The following ZKSCAN4 variants were observed in gnomAD, a reference collection of about 807,000 sequenced individuals.
ZKSCAN4 encodes zinc finger with KRAB and SCAN domains 4, also known as zinc finger protein with KRAB and SCAN domains 4.
Under a neutral mutation model 30.8 loss-of-function variants are expected in ZKSCAN4, and 23 were observed. The ratio of observed to expected loss-of-function variants is 0.75; its 90% CI spans 0.54 to 1.06. ZKSCAN4 has a LOEUF of 1.06. Ranked by LOEUF, ZKSCAN4 falls within the 50% of genes least tolerant of loss-of-function variation. ZKSCAN4 has a pLI of 0.00. For missense variants in ZKSCAN4, 556 were observed against 665.4 expected, an observed-to-expected ratio of 0.84 and a Z score of 1.81; for synonymous variants, 208 against 252.5, an observed-to-expected ratio of 0.82 and a Z score of 1.67.
At chr6:28,259,140 G>A in the ZKSCAN4 span, among the ~76,000 whole-genome samples, 1 of 152,170 alleles carries the variant, frequency 6.6e-6, no homozygotes, top group African/African-American at 2.4e-5. Flanking sequence ...CTCAAGTTGG[G>A]GAATATAAGT....
In ZKSCAN4 at chr6:28,252,100, AG is replaced by A; in HGVS notation, c.-121del. ...AAGTGGTCCCCCTCCTGTCATGCCC[AG>A]GGGCCCAGGACACCCCCTGAGGCGC... On this transcript the variant is annotated 5_prime_UTR_variant, in exon 1 of 5. Coordinates refer to ENST00000377294, the MANE Select transcript of ZKSCAN4 (RefSeq NM_019110.5). 1 of 1,134,334 alleles carries A rather than the reference AG, an allele frequency of 8.8e-7. No individual in the cohort carries two copies. The highest frequency in any genetic ancestry group is 2.4e-5 in the East Asian group (1 of 41,212). 70.3% of individuals were successfully genotyped at this position (1,134,334 alleles called of 1,614,324 possible).
chr6:28,251,441 C>G lies in ZKSCAN4; in HGVS notation c.423+117G>C. 6.4e-7 allele frequency: 1 copy of G among 1,552,524 alleles called. No individual in the cohort carries two copies. The highest frequency in any genetic ancestry group is 2.4e-5 in the East Asian group (1 of 42,376). On this transcript the variant is annotated intron_variant, in intron 1 of 4. Coordinates refer to ENST00000377294, the MANE Select transcript of ZKSCAN4 (RefSeq NM_019110.5). This position sits in a 1 kb window ranked among gnomAD's most constrained non-coding sequence, Gnocchi z 4.5. ...ACTTCACCTTACTGCCAAGGAGGTT[C>G]ACAGTACAAAAAGAGATGAAGAACT...
chr6:28,259,205 A>C, the ZKSCAN4 span: 4 of 582,712 alleles, frequency 6.9e-6, no homozygotes, highest in African/African-American at 7.5e-5. Flanking sequence ...GCCTTCACGC[A>C]GCCAAGGCCC....
In ZKSCAN4 at chr6:28,252,119, T is replaced by A; in HGVS notation, c.-139A>T. ...ATGCCCAGGGGCCCAGGACACCCCCTGAGGCGCAGCTGCACAGATCTCTCT... is the reference window on the plus strand; with the variant it reads ...ATGCCCAGGGGCCCAGGACACCCCCAGAGGCGCAGCTGCACAGATCTCTCT... On this transcript the variant is annotated 5_prime_UTR_variant, in exon 1 of 5. Transcript: ENST00000377294. 1 of 874,968 alleles carries A rather than the reference T, an allele frequency of 1.1e-6. No individual in the cohort carries two copies. The allele number at this position is 874,968 out of a possible 1,614,324, so 54.2% of individuals were successfully genotyped here.
chr6:28,247,504 A>G (rs1421103477), intron 3 of ZKSCAN4, among the ~76,000 whole-genome samples: 1 of 152,200 alleles, frequency 6.6e-6, no homozygotes, highest in Non-Finnish European at 1.5e-5. Context: ...AAAAAAGGAT[A>G]CTACACAGCC....
chr6:28,248,071 G>T lies in ZKSCAN4; in HGVS notation c.650C>A (p.Ser217Tyr). 1 of 1,611,906 alleles carries T rather than the reference G, an allele frequency of 6.2e-7. No individual in the cohort carries two copies. The highest frequency in any genetic ancestry group is 8.5e-7 in the Non-Finnish European group (1 of 1,178,790). ...AMVASRLTPG[S>Y]QGLLKMEDVA... The stretch of plus-strand genomic sequence containing the variant: ...GGGAGAGGAGCTCCAGCTCACCTGG[G>T]ACCCTGGAGTGAGCCTGGAAGCTAC... The change falls in exon 3 of 5, where the codon TCC (serine) becomes TAC (tyrosine). Residue 217 changes from serine to tyrosine, a missense_variant. By Grantham distance (144) the Ser-to-Tyr change is moderately radical (BLOSUM62 -2). Coordinates refer to ENST00000377294, the MANE Select transcript of ZKSCAN4 (RefSeq NM_019110.5).
rs1760660065 is a variant in ZKSCAN4 at position 28,245,340 on chromosome 6, C to A, written c.1414G>T (p.Gly472Cys). The change falls in exon 5 of 5, where the codon GGT becomes TGT. Residue 472 changes from glycine to cysteine, a missense_variant. Physicochemically the swap from Gly to Cys is radical, Grantham distance 159. Coordinates refer to ENST00000377294, the MANE Select transcript of ZKSCAN4 (RefSeq NM_019110.5). ...PEHGESWESQGRTESQWENTE... is the reference protein window; with the variant it reads ...PEHGESWESQCRTESQWENTE... Reference sequence around the variant, plus strand: ...TTTTCCCACTGGCTTTCCGTCCTACCCTGACTTTCCCAGGACTCCCCGTGC... The same window carrying A: ...TTTTCCCACTGGCTTTCCGTCCTACACTGACTTTCCCAGGACTCCCCGTGC... 1.9e-6 allele frequency: 3 copies of A among 1,614,072 alleles called. No homozygotes were observed. The highest frequency in any genetic ancestry group is 2.5e-6 in the Non-Finnish European group (3 of 1,180,040).
At position 28,245,835 on chromosome 6, in the gene ZKSCAN4, ACCTGCCCTCCTGTTCACCAGCT is replaced by A. The variant is rs775361297; in HGVS notation, c.897_918del (p.Glu299AspfsTer10). On this transcript the variant is annotated frameshift_variant, in exon 5 of 5. Transcript: ENST00000377294. LOFTEE classifies it low-confidence loss of function (END_TRUNC). Reference sequence around the variant, plus strand: ...ATGGCATTTTTCTGCTTTCTTTGTAACCTGCCCTCCTGTTCACCAGCTTCTGCATGTGTAGGAATCTGGGCAA... The same window carrying A: ...ATGGCATTTTTCTGCTTTCTTTGTAATCTGCATGTGTAGGAATCTGGGCAA... The A allele has an allele frequency of 3.1e-6, 5 of 1,614,112 alleles. No individual in the cohort carries two copies. The highest frequency in any genetic ancestry group is 4.2e-6 in the Non-Finnish European group (5 of 1,180,020).
In ZKSCAN4 at chr6:28,251,606, C is replaced by G; in HGVS notation, c.375G>C (p.Val125=). The G allele has an allele frequency of 6.2e-7, 1 of 1,614,182 alleles. No individual in the cohort carries two copies. Among genetic ancestry groups the G allele is most frequent in the Non-Finnish European group, 8.5e-7 (1 of 1,180,022 alleles). ...GCCTCTCCAAATACTCCAATAGCACCACCACCTCCTCCCCGCTCTCTGGAT... is the reference window on the plus strand; with the variant it reads ...GCCTCTCCAAATACTCCAATAGCACGACCACCTCCTCCCCGCTCTCTGGAT... ...EQHPESGEEV[V]VLLEYLERQL... The change falls in exon 1 of 5, where the codon GTG becomes GTC. Residue 125 remains valine (V), a synonymous_variant. Coordinates refer to ENST00000377294, the MANE Select transcript of ZKSCAN4 (RefSeq NM_019110.5). This position sits in a 1 kb window ranked among gnomAD's most constrained non-coding sequence, Gnocchi z 4.5.
chr6:28,246,049 G>C (rs1340249376), intron 4 of ZKSCAN4, 74 bp from the exon 5 acceptor site: 1 of 1,591,366 alleles, frequency 6.3e-7, no homozygotes, highest in Non-Finnish European at 8.6e-7. Flanking sequence ...GAGTACTAGG[G>C]AGACAAGAAT....
At chr6:28,246,755 A>G (rs1422016469) in intron 4 of ZKSCAN4, among the ~76,000 whole-genome samples, 2 of 152,156 alleles carry the variant, frequency 1.3e-5, no homozygotes, top group Non-Finnish European at 2.9e-5. Context: ...AGTTGTATCA[A>G]TTTCACCCCA....
At chr6:28,253,580 T>G (rs189488878), upstream of ZKSCAN4, among the ~76,000 whole-genome samples, 21 of 152,358 alleles carry the variant, frequency 1.4e-4, no homozygotes, top group Middle Eastern at 3.4e-3. This position sits in a 1 kb window ranked among gnomAD's most constrained non-coding sequence, Gnocchi z 4.2. Context: ...GTTAGCAGTT[T>G]TCACACTCTG....
chr6:28,244,692 C>A lies in ZKSCAN4; in HGVS notation c.*424G>T. 4.4e-6 allele frequency: 1 copy of A among 225,742 alleles called. No individual in the cohort carries two copies. The highest frequency in any genetic ancestry group is 9.0e-6 in the Non-Finnish European group (1 of 111,516). The allele number at this position is 225,742 out of a possible 1,614,324, so 14.0% of individuals were successfully genotyped here. ...GTTTATTAGCACCTATCATACAAGG[C>A]ACAAAGAAGAGTAAAAGACCTCATG... On this transcript the variant is annotated 3_prime_UTR_variant, in exon 5 of 5. Transcript: ENST00000377294.
At position 28,245,366 on chromosome 6, in the gene ZKSCAN4, T is replaced by C; in HGVS notation, c.1388A>G (p.Glu463Gly). The change falls in exon 5 of 5, where the codon GAG (glutamate) becomes GGG (glycine). Residue 463 changes from glutamate to glycine, a missense_variant. Physicochemically the swap from Glu to Gly is moderately conservative, Grantham distance 98. Coordinates refer to ENST00000377294, the MANE Select transcript of ZKSCAN4 (RefSeq NM_019110.5). Reference protein sequence around the residue: ...IHGDKNVQNPEHGESWESQGR... With the variant: ...IHGDKNVQNPGHGESWESQGR... ...CTGACTTTCCCAGGACTCCCCGTGC[T>C]CAGGATTCTGAACATTTTTATCACC... The C allele has an allele frequency of 6.2e-7, 1 of 1,614,268 alleles. No individual in the cohort carries two copies. Among genetic ancestry groups the C allele is most frequent in the Non-Finnish European group, 8.5e-7 (1 of 1,180,044 alleles).
chr6:28,251,486 C>A lies in ZKSCAN4; in HGVS notation c.423+72G>T, dbSNP rs2113689911. 1 of 1,611,824 alleles carries A rather than the reference C, an allele frequency of 6.2e-7. No individual in the cohort carries two copies. Among genetic ancestry groups the A allele is most frequent in the Non-Finnish European group, 8.5e-7 (1 of 1,178,818 alleles). On this transcript the variant is annotated intron_variant, in intron 1 of 4. Transcript: ENST00000377294. This position sits in a 1 kb window ranked among gnomAD's most constrained non-coding sequence, Gnocchi z 4.5. Reference sequence around the variant, plus strand: ...AGAACTCCTGGACCTTAAAGGAATGCCCCTCGCTCCGATCTGGGATTTCAG... The same window carrying A: ...AGAACTCCTGGACCTTAAAGGAATGACCCTCGCTCCGATCTGGGATTTCAG...
the ZKSCAN4 span, among the ~76,000 whole-genome samples, chr6:28,258,182 A>T: frequency 2.0e-5 from 3 of 152,228 alleles, no homozygotes; most frequent in African/African-American, 7.2e-5. Context: ...GAGTTCTAGC[A>T]TCAGGAAGGC....
the ZKSCAN4 span, among the ~76,000 whole-genome samples, chr6:28,257,862 A>T: frequency 6.6e-6 from 1 of 152,224 alleles, no homozygotes; most frequent in Non-Finnish European, 1.5e-5. Flanking sequence ...CAGATACTAA[A>T]TGGCTTAAAT....
intron 4 of ZKSCAN4, among the ~76,000 whole-genome samples, chr6:28,246,365 A>C (rs1760732154): frequency 7.5e-6 from 1 of 132,562 alleles, no homozygotes; most frequent in Admixed American, 7.3e-5. Flanking sequence ...ACCTGCAAGA[A>C]ATGGCAAAAG....
In ZKSCAN4 at chr6:28,252,242, C is replaced by T; in HGVS notation, c.-262G>A. 2 of 320,638 alleles carry T rather than the reference C, an allele frequency of 6.2e-6. No individual in the cohort carries two copies. Among genetic ancestry groups the T allele is most frequent in the Non-Finnish European group, 5.6e-6 (1 of 177,356 alleles). The allele number at this position is 320,638 out of a possible 1,614,324, so 19.9% of individuals were successfully genotyped here. On this transcript the variant is annotated 5_prime_UTR_variant, in exon 1 of 5. Coordinates refer to ENST00000377294, the MANE Select transcript of ZKSCAN4 (RefSeq NM_019110.5). ...GTCTTTGGGAGTGAAAGTGATCACT[C>T]TCCAGACATAGGAGGGAAGTTGAGG... is the stretch of plus-strand genomic sequence containing the variant.
Sources: gnomAD v4.1 joint callset for allele counts (sites outside exome capture counted in the v4.1 genomes callset) on GRCh38, gnomAD v4.1.1 for gene constraint, Gnocchi (gnomAD v3.1) non-coding constraint, MANE v1.5 for transcripts, NCBI Gene and HGNC (gene_info 2026-07-23, HGNC 2026-07-21) for gene names.